SPOCD1: variants seen among roughly 807,000 people sequenced by gnomAD.
SPOCD1 encodes SPOC domain containing 1.
SPOCD1 carries 64 observed loss-of-function variants against 92.2 expected under a neutral mutation model. The observed-to-expected ratio is 0.69, with a 90% CI of 0.57 to 0.86. The LOEUF (loss-of-function observed/expected upper bound fraction) is 0.86. Ranked by LOEUF, SPOCD1 falls within the 40% of genes least tolerant of loss-of-function variation. The pLI is 0.00. For synonymous variants in SPOCD1, 578 were observed against 619.3 expected (o/e 0.93, Z 0.99); for missense variants, 1,360 against 1,543.1 (o/e 0.88, Z 1.99).
intron 1 of SPOCD1, 142 bp from the exon 2 acceptor site, chr1:31,815,514 G>A (rs1649506166): frequency 1.9e-6 from 1 of 517,616 alleles, no homozygotes; most frequent in Non-Finnish European, 3.2e-6. Flanking sequence ...GCACTCCAGG[G>A]AGGGGAGCAC....
At chr1:31,806,213 CAGT>C (rs1376777046) in intron 2 of SPOCD1, among the ~76,000 whole-genome samples, 1 of 137,360 alleles carries the variant, frequency 7.3e-6, no homozygotes, top group African/African-American at 2.5e-5. Context: ...ACAAAATAAT[CAGT>C]AGGAATAAAA....
chr1:31,800,493 T>C lies in SPOCD1; in HGVS notation c.1550A>G (p.Gln517Arg). The C allele has an allele frequency of 6.2e-7, 1 of 1,612,164 alleles. No individual in the cohort carries two copies. The highest frequency in any genetic ancestry group is 8.5e-7 in the Non-Finnish European group (1 of 1,179,138). The change falls in exon 4 of 16, where the codon CAG (glutamine) becomes CGG (arginine). Residue 517 changes from glutamine (Q) to arginine (R), a missense_variant. Transcript: ENST00000360482. ...GGGCCTTTTCTTCCTTCTGAGCCTC[T>C]GGGCAGGTGAGGGTGAGCTGACCTC... ...LMEVSSPSPA[Q>R]RLRRKKRPMV...
chr1:31,814,342 C>T lies in SPOCD1; in HGVS notation c.992G>A (p.Gly331Glu). The change falls in exon 2 of 16, where the codon GGG becomes GAG. Residue 331 changes from glycine to glutamate, a missense_variant. This residue lies in a region of SPOCD1 where 606 missense variants were observed against 601.5 expected (regional missense o/e 1.01). Transcript: ENST00000360482. This position sits in a 1 kb window ranked among gnomAD's most constrained non-coding sequence, Gnocchi z 4.2. ...CTCTGCAGAGGCCTGTGCTGACGCC[C>T]CCAGGCACAGTGCTGCGCTCTGTGG... Reference protein sequence around the residue: ...APPQSAALCLGASAQASAEQQ... With the variant: ...APPQSAALCLEASAQASAEQQ... 2 of 1,583,410 alleles carry T rather than the reference C, an allele frequency of 1.3e-6. No individual in the cohort carries two copies. The highest frequency in any genetic ancestry group is 1.1e-5 in the South Asian group (1 of 87,864).
At chr1:31,812,618 G>A (rs1287153527) in intron 2 of SPOCD1, among the ~76,000 whole-genome samples, 2 of 152,220 alleles carry the variant, frequency 1.3e-5, no homozygotes, top group Non-Finnish European at 2.9e-5. Flanking sequence ...ACCTCTCAGA[G>A]CCTCAGTGTT....
At chr1:31,809,734 A>C (rs1272567654) in intron 2 of SPOCD1, among the ~76,000 whole-genome samples, 1 of 152,180 alleles carries the variant, frequency 6.6e-6, no homozygotes, top group African/African-American at 2.4e-5. Flanking sequence ...TGGGGCAACG[A>C]TCATTATCAC....
Position 31,814,659 on chromosome 1 carries a change from G to C in SPOCD1, c.675C>G (p.Phe225Leu), listed in dbSNP as rs373617308. 2 of 1,549,386 alleles carry C rather than the reference G, an allele frequency of 1.3e-6. No homozygotes were observed. Among genetic ancestry groups the C allele is most frequent in the Non-Finnish European group, 1.7e-6 (2 of 1,149,954 alleles). ...HSECEEGAGD[F>L]LWLDQSPRGD... is the part of the protein sequence containing the mutation. ...CACGAGGGCTCTGATCAAGCCACAGGAAGTCACCAGCCCCTTCCTCACACT... is the reference window on the plus strand; with the variant it reads ...CACGAGGGCTCTGATCAAGCCACAGCAAGTCACCAGCCCCTTCCTCACACT... The change falls in exon 2 of 16, where the codon TTC becomes TTG. Residue 225 changes from phenylalanine (F) to leucine (L), a missense_variant. Phe to Leu is a conservative substitution (Grantham distance 22). Transcript: ENST00000360482. This position sits in a 1 kb window ranked among gnomAD's most constrained non-coding sequence, Gnocchi z 4.2.
rs1359463505 is a variant in SPOCD1 at position 31,791,083 on chromosome 1, C to T, written c.3171G>A (p.Val1057=). The change falls in exon 16 of 16, where the codon GTG becomes GTA. Residue 1057 remains valine (V), a synonymous_variant. Coordinates refer to ENST00000360482, the MANE Select transcript of SPOCD1 (RefSeq NM_144569.7). ...YYQPDDRRPN[V]PLKGTPPPGG... ...CTGGGGGAGGGGTGCCCTTCAGGGG[C>T]ACATTCGGCCTCCTGTCATCTGGCT... 1 of 1,613,028 alleles carries T rather than the reference C, an allele frequency of 6.2e-7. No homozygotes were observed. Among genetic ancestry groups the T allele is most frequent in the East Asian group, 2.2e-5 (1 of 44,876 alleles).
At chr1:31,799,064 C>T (rs1357859792) in intron 7 of SPOCD1, among the ~76,000 whole-genome samples, 2 of 152,136 alleles carry the variant, frequency 1.3e-5, no homozygotes, top group Admixed American at 6.5e-5. Flanking sequence ...TTGGTCTCCC[C>T]ATCAGCAAAT....
intron 12 of SPOCD1, 118 bp from the exon 13 acceptor site, chr1:31,793,546 C>A: frequency 6.6e-7 from 1 of 1,504,236 alleles, no homozygotes; most frequent in Non-Finnish European, 9.0e-7. Flanking sequence ...AACACTGGCC[C>A]AAGCTTGGCC....
Position 31,799,403 on chromosome 1 carries a change from A to T in SPOCD1, c.1866T>A (p.Thr622=). The change falls in exon 7 of 16, where the codon ACT becomes ACA. Residue 622 remains threonine, a splice_region_variant and synonymous_variant. Transcript: ENST00000360482. The part of the protein sequence containing the change: ...VVRSMQEVLW[T]RLRELPDPVL... ...GGGAGTGGGGAGCAAGGCCTCACCG[A>T]GTCCATAGTACCTCCTGCATGGAAC... The T allele has an allele frequency of 1.9e-6, 3 of 1,608,386 alleles. No individual in the cohort carries two copies. The highest frequency in any genetic ancestry group is 2.5e-6 in the Non-Finnish European group (3 of 1,177,678).
At chr1:31,791,984 G>C in intron 15 of SPOCD1, 1 of 590,512 alleles carries the variant, frequency 1.7e-6, no homozygotes, top group East Asian at 2.8e-5. Flanking sequence ...TTCTCATAGG[G>C]TGATGAGACT....
chr1:31,806,210 A>G (rs1243549592), intron 2 of SPOCD1, among the ~76,000 whole-genome samples: 1 of 138,388 alleles, frequency 7.2e-6, no homozygotes, highest in Admixed American at 7.9e-5. Context: ...CTGACAAAAT[A>G]ATCAGTAGGA....
intron 2 of SPOCD1, among the ~76,000 whole-genome samples, chr1:31,803,204 T>C (rs1358706439): frequency 6.6e-6 from 1 of 151,926 alleles, no homozygotes; most frequent in Non-Finnish European, 1.5e-5. Context: ...ATGTATAATA[T>C]GTTTAAAGAA....
intron 2 of SPOCD1, among the ~76,000 whole-genome samples, chr1:31,812,874 G>A (rs145488810): frequency 2.6e-5 from 4 of 152,218 alleles, no homozygotes; most frequent in African/African-American, 4.8e-5. Flanking sequence ...CGTGGACGTC[G>A]TGTGAAGATT....
At position 31,790,807 on chromosome 1, in the gene SPOCD1, C is replaced by G; in HGVS notation, c.3447G>C (p.Leu1149=). The change falls in exon 16 of 16, where the codon CTG becomes CTC. Residue 1149 remains leucine, a synonymous_variant. Transcript: ENST00000360482. ...FHRDSCPHQA[L]LRHLESLATM... ...TCGCCAGGGATTCGAGGTGCCGGAGCAGGGCTTGGTGGGGACAGGAGTCCC... is the reference window on the plus strand; with the variant it reads ...TCGCCAGGGATTCGAGGTGCCGGAGGAGGGCTTGGTGGGGACAGGAGTCCC... The G allele has an allele frequency of 6.5e-7, 1 of 1,543,814 alleles. No individual in the cohort carries two copies. Among genetic ancestry groups the G allele is most frequent in the East Asian group, 2.4e-5 (1 of 41,304 alleles).
intron 13 of SPOCD1, 78 bp downstream of exon 13, chr1:31,793,200 G>T: frequency 6.8e-7 from 1 of 1,474,022 alleles, no homozygotes. Context: ...GAATGCATGA[G>T]TGAAAGAGAG....
intron 2 of SPOCD1, among the ~76,000 whole-genome samples, chr1:31,806,000 C>T (rs1425350485): frequency 1.3e-5 from 2 of 151,260 alleles, no homozygotes; most frequent in Non-Finnish European, 2.9e-5. Flanking sequence ...GATTTTAAGG[C>T]AAAAAATCAT....
rs763269563 is a variant in SPOCD1 at position 31,790,973 on chromosome 1, C to T, written c.3281G>A (p.Gly1094Glu). The T allele has an allele frequency of 6.3e-6, 10 of 1,577,508 alleles. No individual in the cohort carries two copies. Among genetic ancestry groups the T allele is most frequent in the African/African-American group, 1.4e-5 (1 of 73,680 alleles). Residue 1094 changes from glycine (G) to glutamate (E), a missense_variant, in exon 16 of 16, where the codon GGG (glycine) becomes GAG (glutamate). Coordinates refer to ENST00000360482, the MANE Select transcript of SPOCD1 (RefSeq NM_144569.7). The part of the protein sequence containing the change: ...SAWQRPPRGR[G>E]RLWPEPENWQ... ...GTTTTCAGGCTCTGGCCAGAGCCTCCCCCTGCCTCTGGGGGGCCTCTGCCA... is the reference window on the plus strand; with the variant it reads ...GTTTTCAGGCTCTGGCCAGAGCCTCTCCCTGCCTCTGGGGGGCCTCTGCCA...
chr1:31,800,267 T>C, intron 4 of SPOCD1, 126 bp from the exon 5 acceptor site: 2 of 1,486,504 alleles, frequency 1.3e-6, no homozygotes, highest in Non-Finnish European at 1.8e-6. Context: ...CTGCAGAAAG[T>C]AGTACACATG....
Sources: allele counts gnomAD v4.1 joint callset (sites outside exome capture counted in the v4.1 genomes callset), GRCh38; gene constraint gnomAD v4.1.1; regional missense constraint gnomAD v4.1.1; non-coding constraint Gnocchi (gnomAD v3.1); transcripts MANE v1.5; gene names NCBI Gene and HGNC (gene_info 2026-07-23, HGNC 2026-07-21).